Variants in CNTNAP2 observed in about 807,000 individuals in gnomAD.
CNTNAP2 encodes the protein contactin associated protein 2, also known as contactin-associated protein-like 2.
CNTNAP2 carries 98 observed loss-of-function variants against 155.2 expected under a neutral mutation model. That is an observed-to-expected ratio of 0.63 (90% CI 0.54 to 0.75). The LOEUF (loss-of-function observed/expected upper bound fraction) is 0.75. CNTNAP2 is among the 30% of genes least tolerant of loss of function. The pLI is 0.00. For missense variants in CNTNAP2, 1,727 were observed against 1,688.1 expected, an observed-to-expected ratio of 1.02 and a Z score of -0.40; for synonymous variants, 651 against 631.2, an observed-to-expected ratio of 1.03 and a Z score of -0.47.
chr7:148,216,184 G>A (rs1055025424), intron 18 of CNTNAP2, among the ~76,000 whole-genome samples: 3 of 152,192 alleles, frequency 2.0e-5, no homozygotes, highest in Admixed American at 1.3e-4. Context: ...ACAGGAGCTT[G>A]CTGGCCATGA....
At position 147,375,553 on chromosome 7, in the gene CNTNAP2, G is replaced by A. The variant is rs189476495; in HGVS notation, c.1499-20056G>A. On this transcript the variant is annotated intron_variant, in intron 9 of 23. Coordinates refer to ENST00000361727, the MANE Select transcript of CNTNAP2 (RefSeq NM_014141.6). ...ATGGCTGCCTTGAGTGGTGTAGGGGGCCCCAGCCAATCTCCAAGTTTTATC... is the reference window on the plus strand; with the variant it reads ...ATGGCTGCCTTGAGTGGTGTAGGGGACCCCAGCCAATCTCCAAGTTTTATC... Among the ~76,000 whole-genome samples the A allele has an allele frequency of 2.5e-3, 383 of 152,012 alleles. 6 individuals carry two copies. The highest frequency in any genetic ancestry group is 9.1e-4 in the Non-Finnish European group (62 of 67,900).
chr7:148,336,695 T>C (rs570010330), intron 21 of CNTNAP2, among the ~76,000 whole-genome samples: 26 of 152,328 alleles, frequency 1.7e-4, no homozygotes, highest in African/African-American at 6.0e-4. Context: ...ATAGAACTTA[T>C]ATCAAAAATA....
intron 20 of CNTNAP2, among the ~76,000 whole-genome samples, chr7:148,254,233 C>G (rs1363605351): frequency 6.6e-6 from 1 of 152,112 alleles, no homozygotes; most frequent in East Asian, 1.9e-4. Context: ...TCTTACCGCA[C>G]CAGGCTAATA....
chr7:146,628,670 T>C (rs994908164), intron 1 of CNTNAP2, among the ~76,000 whole-genome samples: 1 of 152,094 alleles, frequency 6.6e-6, no homozygotes, highest in Admixed American at 6.6e-5. Context: ...TTGAGCACTT[T>C]AGAGAGAGTA....
At chr7:147,441,445 C>G (rs1420600538) in intron 10 of CNTNAP2, among the ~76,000 whole-genome samples, 1 of 152,068 alleles carries the variant, frequency 6.6e-6, no homozygotes, top group African/African-American at 2.4e-5. Flanking sequence ...CTCTGTTTCT[C>G]CAGGGTTGGT....
At chr7:146,488,269 C>T (rs1797086639) in intron 1 of CNTNAP2, among the ~76,000 whole-genome samples, 1 of 124,640 alleles carries the variant, frequency 8.0e-6, no homozygotes. Flanking sequence ...CTCCCCTCCC[C>T]TCCCCTCCTC....
At chr7:147,310,426 A>G (rs1404326804) in intron 9 of CNTNAP2, among the ~76,000 whole-genome samples, 1 of 152,224 alleles carries the variant, frequency 6.6e-6, no homozygotes, top group Admixed American at 6.5e-5. Flanking sequence ...AAGAACATCA[A>G]GATCTGACTG....
At chr7:147,445,358 ATAAAGAGCC>A (rs1215023303) in intron 10 of CNTNAP2, among the ~76,000 whole-genome samples, 1 of 152,238 alleles carries the variant, frequency 6.6e-6, no homozygotes, top group Non-Finnish European at 1.5e-5. Context: ...CTAGTGGTTC[ATAAAGAGCC>A]TTTACAGGTA....
chr7:147,606,901 A>G (rs1027862613), intron 12 of CNTNAP2, among the ~76,000 whole-genome samples: 2 of 131,166 alleles, frequency 1.5e-5, no homozygotes, highest in African/African-American at 6.0e-5. Context: ...ATTTAGAGGC[A>G]CTTGAATATT....
intron 3 of CNTNAP2, among the ~76,000 whole-genome samples, chr7:146,890,118 G>C (rs1436219224): frequency 6.6e-6 from 1 of 152,114 alleles, no homozygotes; most frequent in African/African-American, 2.4e-5. Flanking sequence ...TGGAAGCAAA[G>C]ATGAAAATGC....
At chr7:147,144,878 G>A (rs753419206) in intron 8 of CNTNAP2, among the ~76,000 whole-genome samples, 3 of 152,166 alleles carry the variant, frequency 2.0e-5, no homozygotes, top group East Asian at 1.9e-4. Flanking sequence ...GTGTGAGTGC[G>A]TGGGTGTGTG....
At chr7:146,534,315 T>C (rs187099014) in intron 1 of CNTNAP2, among the ~76,000 whole-genome samples, 18 of 152,164 alleles carry the variant, frequency 1.2e-4, no homozygotes, top group Non-Finnish European at 2.5e-4. Flanking sequence ...ATATGCAGAG[T>C]GCCAAAGACA....
At chr7:147,423,018 T>G (rs1797320858) in intron 10 of CNTNAP2, among the ~76,000 whole-genome samples, 1 of 152,224 alleles carries the variant, frequency 6.6e-6, no homozygotes, top group Admixed American at 6.5e-5. Context: ...TCGAGCTACT[T>G]TTCTGACCAG....
At chr7:146,940,708 C>CACACACACAATATGGTGTGTATATATAT in intron 3 of CNTNAP2, among the ~76,000 whole-genome samples, 1 of 151,558 alleles carries the variant, frequency 6.6e-6, no homozygotes, top group Non-Finnish European at 1.5e-5. Context: ...CACACACACA[C>CACACACACAATATGGTGTGTATATATAT]ACACACACAA....
At chr7:146,636,012 G>A (rs1221754299) in intron 1 of CNTNAP2, among the ~76,000 whole-genome samples, 1 of 152,106 alleles carries the variant, frequency 6.6e-6, no homozygotes, top group Non-Finnish European at 1.5e-5. Context: ...GTATTAAACA[G>A]TACATTATGA....
intron 15 of CNTNAP2, among the ~76,000 whole-genome samples, chr7:148,060,250 A>G (rs914059477): frequency 2.6e-5 from 4 of 152,186 alleles, no homozygotes; most frequent in African/African-American, 9.6e-5. Context: ...ACTGCTTTAA[A>G]TGATTTTAAA....
At chr7:146,352,715 T>C (rs557359590) in intron 1 of CNTNAP2, among the ~76,000 whole-genome samples, 1 of 149,678 alleles carries the variant, frequency 6.7e-6, no homozygotes, top group East Asian at 2.0e-4. Flanking sequence ...GAAATAGATA[T>C]AGTCTTCTCT....
chr7:147,883,444 A>G (rs1484978721), intron 13 of CNTNAP2, among the ~76,000 whole-genome samples: 1 of 152,384 alleles, frequency 6.6e-6, no homozygotes, highest in Non-Finnish European at 1.5e-5. Flanking sequence ...CACAAGGAAT[A>G]CAAATAAGAT....
At chr7:148,055,368 T>G (rs996700195) in intron 15 of CNTNAP2, among the ~76,000 whole-genome samples, 1 of 152,188 alleles carries the variant, frequency 6.6e-6, no homozygotes, top group East Asian at 1.9e-4. Context: ...AGGAAATTAT[T>G]CTTCTGTTTT....
Sources: gnomAD v4.1 joint callset for allele counts (sites outside exome capture counted in the v4.1 genomes callset) on GRCh38, gnomAD v4.1.1 for gene constraint, MANE v1.5 for transcripts, NCBI Gene and HGNC (gene_info 2026-07-23, HGNC 2026-07-21) for gene names.